DYNLT1: variants seen among roughly 807,000 people sequenced by gnomAD.
DYNLT1 encodes T-complex testis-specific protein 1 homolog.
Under a neutral mutation model 19.6 loss-of-function variants are expected in DYNLT1, and 18 were observed. That is an observed-to-expected ratio of 0.92 (90% CI 0.64 to 1.36). The LOEUF is 1.36. Ranked by LOEUF, DYNLT1 falls within the 40% of genes most tolerant of loss-of-function variation. The pLI is 0.00. For missense variants in DYNLT1, 137 were observed against 139.3 expected (o/e 0.98, Z 0.08); for synonymous variants, 56 against 44.0 (o/e 1.27, Z -1.07).
Position 158,644,723 on chromosome 6 carries a change from G to C in DYNLT1, c.-15C>G, listed in dbSNP as rs1476599211. The C allele has an allele frequency of 2.5e-6, 4 of 1,610,638 alleles. No individual in the cohort carries two copies. The highest frequency in any genetic ancestry group is 3.4e-6 in the Non-Finnish European group (4 of 1,179,650). Reference sequence around the variant, plus strand: ...TAGTCTTCCATCTTTCCTCCGGCGCGTCCCCTCCGGCTCCCTGAGTGGCGC... The same window carrying C: ...TAGTCTTCCATCTTTCCTCCGGCGCCTCCCCTCCGGCTCCCTGAGTGGCGC... On this transcript the variant is annotated 5_prime_UTR_variant, in exon 1 of 5. Transcript: ENST00000367089.
chr6:158,641,385 GTTTGA>G, intron 1 of DYNLT1, 25 bp from the exon 2 acceptor site: 3 of 1,576,306 alleles, frequency 1.9e-6, no homozygotes, highest in South Asian at 1.2e-5. Flanking sequence ...ATTCAGTTAA[GTTTGA>G]TTTATTTAAA....
intron 2 of DYNLT1, 39 bp downstream of exon 2, chr6:158,641,280 G>A (rs752192721): frequency 2.6e-6 from 4 of 1,544,452 alleles, no homozygotes; most frequent in Non-Finnish European, 2.6e-6. Context: ...TCTAATATAA[G>A]CCATTAAACA....
Position 158,644,741 on chromosome 6 carries a change from A to C in DYNLT1, c.-33T>G. 1 of 1,607,924 alleles carries C rather than the reference A, an allele frequency of 6.2e-7. No individual in the cohort carries two copies. The highest frequency in any genetic ancestry group is 8.5e-7 in the Non-Finnish European group (1 of 1,179,362). On this transcript the variant is annotated 5_prime_UTR_variant, in exon 1 of 5. Transcript: ENST00000367089. ...CCGGCGCGTCCCCTCCGGCTCCCTG[A>C]GTGGCGCGGACTGCGCAGGCGCACT... is the stretch of plus-strand genomic sequence containing the variant.
chr6:158,641,194 A>C (rs1787127103), intron 2 of DYNLT1, 125 bp downstream of exon 2: 1 of 789,610 alleles, frequency 1.3e-6, no homozygotes, highest in African/African-American at 1.8e-5. Flanking sequence ...TGAAGTAAAA[A>C]CTGTTATTTG....
In DYNLT1 at chr6:158,644,740, G is replaced by T; in HGVS notation, c.-32C>A. The T allele has an allele frequency of 1.2e-6, 2 of 1,608,056 alleles. No individual in the cohort carries two copies. Among genetic ancestry groups the T allele is most frequent in the Non-Finnish European group, 1.7e-6 (2 of 1,179,420 alleles). ...TCCGGCGCGTCCCCTCCGGCTCCCT[G>T]AGTGGCGCGGACTGCGCAGGCGCAC... On this transcript the variant is annotated 5_prime_UTR_variant, in exon 1 of 5. Transcript: ENST00000367089.
rs1787012725 is a variant in DYNLT1 at position 158,636,891 on chromosome 6, C to T, written c.278G>A (p.Cys93Tyr). Residue 93 changes from cysteine (C) to tyrosine (Y), a missense_variant, in exon 5 of 5, where the codon TGC becomes TAC. Transcript: ENST00000367089. ...GGTCTTATTCTCCCATCGCACAGTG[C>T]AGCTCCCTGCGGGAGGGAAGAGAGC... is the stretch of plus-strand genomic sequence containing the variant. ...CFWDSSTDGSCTVRWENKTMY... is the reference protein window; with the variant it reads ...CFWDSSTDGSYTVRWENKTMY... The T allele has an allele frequency of 1.9e-6, 3 of 1,613,506 alleles. No individual in the cohort carries two copies. The highest frequency in any genetic ancestry group is 2.5e-6 in the Non-Finnish European group (3 of 1,179,698).
intron 2 of DYNLT1, among the ~76,000 whole-genome samples, chr6:158,639,901 G>A (rs967566212): frequency 6.6e-6 from 1 of 152,138 alleles, no homozygotes; most frequent in Non-Finnish European, 1.5e-5. Flanking sequence ...GGATGGTCTC[G>A]ATCTCTTGAC....
chr6:158,636,683 C>T lies in DYNLT1; in HGVS notation c.*144G>A. Reference sequence around the variant, plus strand: ...TCTGACTTCGGTGCCATTCACATCACAGTGCGGTCATTTGGTTTTTTCCTC... The same window carrying T: ...TCTGACTTCGGTGCCATTCACATCATAGTGCGGTCATTTGGTTTTTTCCTC... On this transcript the variant is annotated 3_prime_UTR_variant, in exon 5 of 5. Coordinates refer to ENST00000367089, the MANE Select transcript of DYNLT1 (RefSeq NM_006519.4). 1.1e-6 allele frequency: 1 copy of T among 886,760 alleles called. No homozygotes were observed. The highest frequency in any genetic ancestry group is 1.7e-6 in the Non-Finnish European group (1 of 583,416). The allele number at this position is 886,760 out of a possible 1,614,324, so 54.9% of individuals were successfully genotyped here.
chr6:158,636,901 C>A lies in DYNLT1; in HGVS notation c.272-4G>T, dbSNP rs200810039. 1.2e-6 allele frequency: 2 copies of A among 1,613,264 alleles called. No individual in the cohort carries two copies. ...TCCCATCGCACAGTGCAGCTCCCTG[C>A]GGGAGGGAAGAGAGCAGCATTTACG... is the stretch of plus-strand genomic sequence containing the variant. On this transcript the variant is annotated splice_region_variant and splice_polypyrimidine_tract_variant and intron_variant, in intron 4 of 4. Transcript: ENST00000367089.
Position 158,644,688 on chromosome 6 carries a change from C to T in DYNLT1, c.21G>A (p.Ala7=), listed in dbSNP as rs1787319411. The T allele has an allele frequency of 6.2e-7, 1 of 1,612,184 alleles. No individual in the cohort carries two copies. Among genetic ancestry groups the T allele is most frequent in the Non-Finnish European group, 8.5e-7 (1 of 1,179,726 alleles). The change falls in exon 1 of 5, where the codon GCG becomes GCA. Residue 7 remains alanine (A), a synonymous_variant. Transcript: ENST00000367089. MEDYQA[A]EETAFVVDEV... The stretch of plus-strand genomic sequence containing the variant: ...TCGCCGACCCGGCGGTTACCTCCTC[C>T]GCAGCCTGGTAGTCTTCCATCTTTC...
chr6:158,637,285 AATGT>A (rs1328586826), intron 3 of DYNLT1, 80 bp from the exon 4 acceptor site: 9 of 1,286,766 alleles, frequency 7.0e-6, no homozygotes, highest in Middle Eastern at 1.9e-4. Context: ...GCAAACGTAC[AATGT>A]ATGTAGCTCC....
At position 158,637,766 on chromosome 6, in the gene DYNLT1, A is replaced by G. The variant is rs753807878; in HGVS notation, c.193+5T>C. The stretch of plus-strand genomic sequence containing the variant: ...GCAAATATAAAAGAAACAAGACTCC[A>G]TTACCGATGTATTTAAATGGTTTTC... On this transcript the variant is annotated splice_donor_5th_base_variant and intron_variant, in intron 3 of 4. Transcript: ENST00000367089. 4 of 1,614,046 alleles carry G rather than the reference A, an allele frequency of 2.5e-6. No homozygotes were observed. Among genetic ancestry groups the G allele is most frequent in the Non-Finnish European group, 2.5e-6 (3 of 1,180,040 alleles).
At chr6:158,639,703 C>T (rs1787096487) in intron 2 of DYNLT1, among the ~76,000 whole-genome samples, 1 of 152,040 alleles carries the variant, frequency 6.6e-6, no homozygotes. Context: ...TTTTTTAAGA[C>T]AGAGTCTTGC....
intron 3 of DYNLT1, chr6:158,637,446 TA>T: frequency 3.2e-6 from 2 of 617,678 alleles, no homozygotes; most frequent in South Asian, 4.1e-5. Context: ...CAAATGCACT[TA>T]ATACCCTGGT....
chr6:158,644,598 C>G (rs1324271772), intron 1 of DYNLT1, 84 bp downstream of exon 1: 5 of 1,550,242 alleles, frequency 3.2e-6, no homozygotes, highest in Admixed American at 1.7e-5. Context: ...AGGTGGGCAG[C>G]CAGGCCTTTC....
chr6:158,638,813 T>G (rs574797031), intron 2 of DYNLT1, among the ~76,000 whole-genome samples: 5 of 152,216 alleles, frequency 3.3e-5, no homozygotes, highest in East Asian at 1.9e-4. Flanking sequence ...TTGGGGGTTA[T>G]CTGACAATGC....
chr6:158,639,200 C>A (rs1043088349), intron 2 of DYNLT1, among the ~76,000 whole-genome samples: 1 of 152,178 alleles, frequency 6.6e-6, no homozygotes, highest in Non-Finnish European at 1.5e-5. Context: ...TTTCTACCCA[C>A]TGACCTGCTG....
intron 2 of DYNLT1, among the ~76,000 whole-genome samples, chr6:158,640,240 C>T (rs1386624385): frequency 1.3e-5 from 2 of 152,186 alleles, no homozygotes; most frequent in African/African-American, 4.8e-5. Context: ...TGTAAATGGT[C>T]AAACAAAATC....
chr6:158,641,248 G>T, intron 2 of DYNLT1, 71 bp downstream of exon 2: 1 of 1,387,914 alleles, frequency 7.2e-7, no homozygotes, highest in South Asian at 1.4e-5. Context: ...TTCCAAGATA[G>T]TATTTAAAAC....
Sources: gnomAD v4.1 joint callset for allele counts (sites outside exome capture counted in the v4.1 genomes callset) on GRCh38, gnomAD v4.1.1 for gene constraint, MANE v1.5 for transcripts, NCBI Gene and HGNC (gene_info 2026-07-23, HGNC 2026-07-21) for gene names.